Variants in AREL1 observed in about 807,000 individuals in gnomAD.
The protein encoded by AREL1 is apoptosis resistant E3 ubiquitin protein ligase 1.
AREL1 carries 62 observed loss-of-function variants against 99.0 expected under a neutral mutation model. The observed-to-expected ratio is 0.63, with a 90% CI of 0.51 to 0.77. The LOEUF is 0.77. AREL1 is among the 30% of genes least tolerant of loss of function. AREL1 has a pLI of 0.00. For missense variants in AREL1, 879 were observed against 1,027.6 expected, an observed-to-expected ratio of 0.86 and a Z score of 1.98; for synonymous variants, 380 against 376.5, an observed-to-expected ratio of 1.01 and a Z score of -0.11.
rs374936613 is a variant in AREL1 at position 74,702,380 on chromosome 14, G to A, written c.-333-10052C>T. Among the ~76,000 whole-genome samples the A allele has an allele frequency of 2.6e-5, 4 of 152,312 alleles. No homozygotes were observed. In the South Asian group the frequency reaches 6.2e-4, roughly 24 times the overall value. ...TGTGCACCCACAGGCTCAACATCAC[G>A]TGTAAGCTGCCAAGGCTTGGGGCTT... On this transcript the variant is annotated intron_variant, in intron 1 of 19. Coordinates refer to ENST00000356357, the MANE Select transcript of AREL1 (RefSeq NM_001039479.2).
chr14:74,710,770 T>A (rs2090265758), intron 1 of AREL1, among the ~76,000 whole-genome samples: 1 of 152,168 alleles, frequency 6.6e-6, no homozygotes, highest in Non-Finnish European at 1.5e-5. Flanking sequence ...TGTAAACTAT[T>A]AAGCCATCTA....
At chr14:74,686,644 G>A (rs1389364005) in intron 2 of AREL1, among the ~76,000 whole-genome samples, 1 of 152,272 alleles carries the variant, frequency 6.6e-6, no homozygotes, top group South Asian at 2.1e-4. Flanking sequence ...GCTCAGATCT[G>A]GGAGGGACCA....
intron 17 of AREL1, 91 bp downstream of exon 17, chr14:74,667,228 T>G: frequency 6.8e-7 from 1 of 1,475,020 alleles, no homozygotes; most frequent in Non-Finnish European, 9.4e-7. Flanking sequence ...GCTTTCCAGC[T>G]GCATCTCATA....
chr14:74,706,848 C>G (rs2090187857), intron 1 of AREL1, among the ~76,000 whole-genome samples: 1 of 152,160 alleles, frequency 6.6e-6, no homozygotes, highest in Admixed American at 6.5e-5. Flanking sequence ...TCAAGATCAG[C>G]TCTTAGCTTC....
rs1380664286 is a variant in AREL1 at position 74,661,492 on chromosome 14, G to T, written c.*2228C>A. 2 of 289,980 alleles carry T rather than the reference G, an allele frequency of 6.9e-6. No homozygotes were observed. Among genetic ancestry groups the T allele is most frequent in the Non-Finnish European group, 6.9e-6 (1 of 144,850 alleles). 18.0% of individuals were successfully genotyped at this position (289,980 alleles called of 1,614,324 possible). On this transcript the variant is annotated 3_prime_UTR_variant, in exon 20 of 20. Transcript: ENST00000356357. Reference sequence around the variant, plus strand: ...CTGGGTCACAAGGACATAAATAAAAGAACTGGCCAAAATAAGAAACACTAA... The same window carrying T: ...CTGGGTCACAAGGACATAAATAAAATAACTGGCCAAAATAAGAAACACTAA...
chr14:74,709,350 G>C (rs760969205), intron 1 of AREL1, among the ~76,000 whole-genome samples: 8 of 152,216 alleles, frequency 5.3e-5, no homozygotes, highest in Non-Finnish European at 1.0e-4. Context: ...CTAATATGTT[G>C]ATAGTATTAA....
chr14:74,673,968 T>C, intron 9 of AREL1, 66 bp downstream of exon 9: 1 of 1,398,968 alleles, frequency 7.1e-7, no homozygotes, highest in Non-Finnish European at 1.0e-6. Context: ...TGAGAAAAAA[T>C]AAAAGGCTGA....
At chr14:74,685,886 G>C (rs984868437) in intron 2 of AREL1, among the ~76,000 whole-genome samples, 5 of 152,160 alleles carry the variant, frequency 3.3e-5, no homozygotes, top group Non-Finnish European at 5.9e-5. Flanking sequence ...GACCACTCTA[G>C]GAATACCACA....
intron 1 of AREL1, among the ~76,000 whole-genome samples, chr14:74,703,993 C>T (rs1439033277): frequency 6.6e-6 from 1 of 152,194 alleles, no homozygotes; most frequent in East Asian, 1.9e-4. Context: ...TCCACCAACA[C>T]TTGGTACTGT....
chr14:74,687,169 T>C (rs779113483), intron 2 of AREL1, among the ~76,000 whole-genome samples: 7 of 152,192 alleles, frequency 4.6e-5, no homozygotes, highest in Non-Finnish European at 1.0e-4. Flanking sequence ...TCAGGGAAGT[T>C]ACAGCACTCA....
At chr14:74,695,618 A>G (rs1281843314) in intron 1 of AREL1, among the ~76,000 whole-genome samples, 1 of 152,174 alleles carries the variant, frequency 6.6e-6, no homozygotes, top group African/African-American at 2.4e-5. Flanking sequence ...CACCAGATAG[A>G]ATCAGCCACT....
chr14:74,696,650 A>T, intron 1 of AREL1, among the ~76,000 whole-genome samples: 1 of 152,090 alleles, frequency 6.6e-6, no homozygotes, highest in East Asian at 1.9e-4. Context: ...TTGAAACCAG[A>T]CTGGGCCCTC....
chr14:74,683,512 G>A lies in AREL1; in HGVS notation c.265C>T (p.Pro89Ser). ...CCCACAGGCCGATGTGCAGGGAAAG[G>A]CTGCCCGTTCTTATAGAATAACTGC... ...RVHLFYKNGQ[P>S]FPAHRPVGLR... is the part of the protein sequence containing the mutation. Residue 89 changes from proline to serine, a missense_variant, in exon 5 of 20, where the codon CCT becomes TCT. By Grantham distance (74) the Pro-to-Ser change is moderately conservative. Coordinates refer to ENST00000356357, the MANE Select transcript of AREL1 (RefSeq NM_001039479.2). The A allele has an allele frequency of 6.2e-7, 1 of 1,614,094 alleles. No homozygotes were observed. Among genetic ancestry groups the A allele is most frequent in the Non-Finnish European group, 8.5e-7 (1 of 1,180,012 alleles).
At chr14:74,672,488 A>G (rs1299339259) in intron 11 of AREL1, among the ~76,000 whole-genome samples, 4 of 152,178 alleles carry the variant, frequency 2.6e-5, no homozygotes, top group East Asian at 3.8e-4. Context: ...TGTAATCCCA[A>G]CACTTTGGGA....
chr14:74,683,222 TA>T (rs1566689993), intron 5 of AREL1, 73 bp downstream of exon 5: 1 of 1,085,224 alleles, frequency 9.2e-7, no homozygotes, highest in Non-Finnish European at 1.3e-6. Flanking sequence ...GTATTATTTT[TA>T]AAAAGGAAAG....
chr14:74,693,230 C>G (rs576980585), intron 1 of AREL1, among the ~76,000 whole-genome samples: 4 of 152,300 alleles, frequency 2.6e-5, no homozygotes, highest in Non-Finnish European at 5.9e-5. Flanking sequence ...AAAGCCCAAT[C>G]TATCAGCCTA....
chr14:74,707,898 A>G (rs2090215100), intron 1 of AREL1, among the ~76,000 whole-genome samples: 1 of 150,718 alleles, frequency 6.6e-6, no homozygotes, highest in Non-Finnish European at 1.5e-5. Flanking sequence ...CGGAGCTTGC[A>G]GTGAGCCGAG....
chr14:74,690,934 T>G (rs116711204), intron 2 of AREL1: 1 of 152,042 alleles, frequency 6.6e-6, no homozygotes, highest in African/African-American at 2.4e-5. Context: ...ACTATTATTC[T>G]CGTTTTATGG....
At chr14:74,690,661 A>C (rs911306447) in intron 2 of AREL1, among the ~76,000 whole-genome samples, 1 of 152,232 alleles carries the variant, frequency 6.6e-6, no homozygotes, top group Non-Finnish European at 1.5e-5. Context: ...TGCAGTACAA[A>C]CAAGTATGTG....
Sources: allele counts gnomAD v4.1 joint callset (sites outside exome capture counted in the v4.1 genomes callset), GRCh38; gene constraint gnomAD v4.1.1; transcripts MANE v1.5; gene names NCBI Gene and HGNC (gene_info 2026-07-23, HGNC 2026-07-21).